The following DHX8 variants were observed in gnomAD, a reference collection of about 807,000 sequenced individuals.
DHX8 encodes DEAH-box helicase 8.
Under a neutral mutation model 140.7 loss-of-function variants are expected in DHX8, and 67 were observed. The ratio of observed to expected loss-of-function variants is 0.48; its 90% CI spans 0.39 to 0.58. The LOEUF (loss-of-function observed/expected upper bound fraction) is 0.58. DHX8 is among the 20% of genes least tolerant of loss of function. The pLI is 0.00. For synonymous variants in DHX8, 533 were observed against 553.2 expected, an observed-to-expected ratio of 0.96 and a Z score of 0.51; for missense variants, 887 against 1,550.7, an observed-to-expected ratio of 0.57 and a Z score of 7.19.
chr17:43,484,465 T>C (rs1455378811), intron 1 of DHX8, among the ~76,000 whole-genome samples: 1 of 152,108 alleles, frequency 6.6e-6, no homozygotes, highest in Non-Finnish European at 1.5e-5. Flanking sequence ...TAAACATGTT[T>C]AACAACAACA....
intron 12 of DHX8, among the ~76,000 whole-genome samples, 153 bp from the exon 13 acceptor site, chr17:43,506,850 G>A (rs1318433513): frequency 6.6e-6 from 1 of 152,084 alleles, no homozygotes; most frequent in Non-Finnish European, 1.5e-5. Flanking sequence ...TTAACTATAT[G>A]TGTATATTCC....
At chr17:43,493,308 T>G in intron 6 of DHX8, 137 bp from the exon 7 acceptor site, 1 of 1,264,750 alleles carries the variant, frequency 7.9e-7, no homozygotes, top group African/African-American at 1.5e-5. Context: ...TAATACTATT[T>G]TATTGTTTGA....
At chr17:43,516,054 A>C (rs1970099235) in intron 17 of DHX8, among the ~76,000 whole-genome samples, 1 of 152,046 alleles carries the variant, frequency 6.6e-6, no homozygotes, top group African/African-American at 2.4e-5. Flanking sequence ...AAATTTACCC[A>C]CCATCCTACT....
At chr17:43,495,486 G>C (rs925579836) in intron 8 of DHX8, among the ~76,000 whole-genome samples, 2 of 151,968 alleles carry the variant, frequency 1.3e-5, no homozygotes, top group Non-Finnish European at 2.9e-5. Context: ...CGTGTTACCA[G>C]TGCTCATCTC....
intron 9 of DHX8, 114 bp downstream of exon 9, chr17:43,496,382 ACTC>A: frequency 1.5e-6 from 1 of 671,572 alleles, no homozygotes; most frequent in Admixed American, 3.0e-5. Context: ...GGATCTCACT[ACTC>A]ATCTCTCAAA....
downstream of DHX8, chr17:43,529,360 C>T: frequency 7.2e-7 from 1 of 1,392,088 alleles, no homozygotes; most frequent in Non-Finnish European, 1.0e-6. Context: ...AACAAAGCAT[C>T]AGCCCACAGA....
At chr17:43,529,839 G>T, downstream of DHX8, 1 of 1,606,908 alleles carries the variant, frequency 6.2e-7, no homozygotes, top group Non-Finnish European at 8.5e-7. Context: ...CAGGGACACA[G>T]CGTGATAAGA....
chr17:43,492,426 T>C lies in DHX8; in HGVS notation c.503+134T>C, dbSNP rs1393154062. 7.2e-6 allele frequency: 5 copies of C among 689,776 alleles called. No individual in the cohort carries two copies. In the East Asian group the frequency reaches 8.1e-5, roughly 11 times the overall value. 42.7% of individuals were successfully genotyped at this position (689,776 alleles called of 1,614,324 possible). Reference sequence around the variant, plus strand: ...ATATATCATATTGTTGGATCTGTTTTCATTGCTTCCTGCTAAGTGTATGTA... The same window carrying C: ...ATATATCATATTGTTGGATCTGTTTCCATTGCTTCCTGCTAAGTGTATGTA... On this transcript the variant is annotated intron_variant, in intron 5 of 22. Coordinates refer to ENST00000262415, the MANE Select transcript of DHX8 (RefSeq NM_004941.3).
Position 43,524,823 on chromosome 17 carries a change from C to G in DHX8, c.*976C>G. On this transcript the variant is annotated 3_prime_UTR_variant, in exon 23 of 23. Coordinates refer to ENST00000262415, the MANE Select transcript of DHX8 (RefSeq NM_004941.3). ...TTCCCCACTCCAAACAGAAAACAAA[C>G]ATAACACCTCTCCTCTCAGCTGGTT... is the stretch of plus-strand genomic sequence containing the variant. 1 of 985,388 alleles carries G rather than the reference C, an allele frequency of 1.0e-6. No individual in the cohort carries two copies. Among genetic ancestry groups the G allele is most frequent in the South Asian group, 4.7e-5 (1 of 21,286 alleles). 61.0% of individuals were successfully genotyped at this position (985,388 alleles called of 1,614,324 possible). A position where few individuals can be genotyped will look rare whatever the true frequency, so the allele number is the denominator to read the frequency against.
At chr17:43,540,906 C>T (rs1218001388) in intron 3 of DHX8, among the ~76,000 whole-genome samples, 1 of 151,910 alleles carries the variant, frequency 6.6e-6, no homozygotes, top group Non-Finnish European at 1.5e-5. Flanking sequence ...TGACGCATTC[C>T]GGCCCCACCC....
intron 2 of DHX8, chr17:43,536,195 A>G: frequency 1.8e-6 from 1 of 558,520 alleles, no homozygotes; most frequent in Non-Finnish European, 3.2e-6. Flanking sequence ...TTCAGATATA[A>G]GGCAATGGAG....
At chr17:43,533,692 G>A (rs576423275) in intron 2 of DHX8, among the ~76,000 whole-genome samples, 9 of 152,194 alleles carry the variant, frequency 5.9e-5, no homozygotes, top group Admixed American at 2.6e-4. Context: ...TGCGTTTTCC[G>A]TCTATTCAGA....
Position 43,521,485 on chromosome 17 carries a change from G to A in DHX8, c.3183G>A (p.Trp1061Ter). 1.2e-6 allele frequency: 2 copies of A among 1,613,874 alleles called. No homozygotes were observed. Among genetic ancestry groups the A allele is most frequent in the Non-Finnish European group, 1.7e-6 (2 of 1,179,994 alleles). The change falls in exon 21 of 23, where the codon TGG becomes TGA. Residue 1061 changes from tryptophan to a stop codon, truncating the protein, a stop_gained. Transcript: ENST00000262415. LOFTEE classifies it high-confidence loss of function. ...AGAACAACAAGTTCTCCAACCCATG[G>A]TGCTATGAGAACTTTATCCAGGCTC... Reference protein sequence around the residue: ...SWKNNKFSNPWCYENFIQARS... With the variant: ...SWKNNKFSNP
intron 16 of DHX8, among the ~76,000 whole-genome samples, chr17:43,509,489 T>A (rs1969688838): frequency 6.6e-6 from 1 of 151,606 alleles, no homozygotes; most frequent in South Asian, 2.1e-4. Context: ...CACTTATTTT[T>A]TTTTTTTTTT....
Position 43,525,185 on chromosome 17 carries a change from G to T in DHX8, c.*1338G>T. On this transcript the variant is annotated 3_prime_UTR_variant, in exon 23 of 23. Transcript: ENST00000262415. ...GAAAGCTGGTCTGGATGTAGTGCTT[G>T]TAGAGAAGCTTCTGAGAGATTGGGC... 1 of 985,446 alleles carries T rather than the reference G, an allele frequency of 1.0e-6. No homozygotes were observed. Among genetic ancestry groups the T allele is most frequent in the Non-Finnish European group, 1.2e-6 (1 of 829,952 alleles). 61.0% of individuals were successfully genotyped at this position (985,446 alleles called of 1,614,324 possible).
At chr17:43,526,087 C>T, downstream of DHX8, 1 of 985,378 alleles carries the variant, frequency 1.0e-6, no homozygotes, top group Non-Finnish European at 1.2e-6. Context: ...TTTTGACCAT[C>T]AGGAAAGCAA....
At chr17:43,504,909 G>A in intron 12 of DHX8, 84 bp downstream of exon 12, 1 of 1,274,714 alleles carries the variant, frequency 7.8e-7, no homozygotes, top group South Asian at 1.4e-5. Flanking sequence ...AAACTAACGG[G>A]ACAAGTATGT....
rs200281297 is a variant in DHX8, at chr17:43,536,465, T to C, written c.404T>C (p.Leu135Pro). Residue 135 changes from leucine to proline, a missense_variant, in exon 3 of 4, where the codon CTG (leucine) becomes CCG (proline). Leu to Pro is a moderately conservative substitution (Grantham distance 98, BLOSUM62 -3). Coordinates refer to the DHX8 transcript ENST00000589898. ...AAATCAGGAACAAACTGCTCATCAC[T>C]GTCTGGTACCTGAGCTGCAGAGAGA... 1.3e-4 allele frequency: 214 copies of C among 1,614,094 alleles called. No individual in the cohort carries two copies. The highest frequency in any genetic ancestry group is 1.8e-4 in the Non-Finnish European group (209 of 1,180,036).
intron 15 of DHX8, 31 bp downstream of exon 15, chr17:43,508,050 G>A (rs777536811): frequency 1.2e-6 from 2 of 1,605,824 alleles, no homozygotes; most frequent in East Asian, 2.2e-5. Flanking sequence ...TCCTTTTTGG[G>A]AGGCCTAATT....
Sources: gnomAD v4.1 joint callset for allele counts (sites outside exome capture counted in the v4.1 genomes callset) on GRCh38, gnomAD v4.1.1 for gene constraint, MANE v1.5 for transcripts, NCBI Gene and HGNC (gene_info 2026-07-23, HGNC 2026-07-21) for gene names.